The following NKAIN3 variants were observed in gnomAD, a reference collection of about 807,000 sequenced individuals.
NKAIN3 encodes the protein sodium/potassium transporting ATPase interacting 3.
Under a neutral mutation model 30.2 loss-of-function variants are expected in NKAIN3, and 25 were observed. The ratio of observed to expected loss-of-function variants is 0.83; its 90% CI spans 0.60 to 1.16. NKAIN3 has a LOEUF of 1.16. NKAIN3 is among the 50% of genes most tolerant of loss of function. NKAIN3 has a pLI of 0.00. For missense variants in NKAIN3, 225 were observed against 254.1 expected (o/e 0.89, Z 0.78); for synonymous variants, 91 against 89.6 (o/e 1.02, Z -0.09).
chr8:62,349,350 T>C (rs1585710369), intron 1 of NKAIN3, among the ~76,000 whole-genome samples: 1 of 152,056 alleles, frequency 6.6e-6, no homozygotes, highest in Middle Eastern at 3.4e-3. Flanking sequence ...GAGGCGGGAA[T>C]TGATTCAGGA....
chr8:62,833,763 C>G (rs994063182), intron 4 of NKAIN3, among the ~76,000 whole-genome samples: 6 of 151,616 alleles, frequency 4.0e-5, no homozygotes, highest in African/African-American at 1.5e-4. Context: ...AGAGCTGATA[C>G]TAGTTTTAAT....
chr8:62,671,667 C>A (rs1408878112), intron 3 of NKAIN3, among the ~76,000 whole-genome samples: 2 of 151,944 alleles, frequency 1.3e-5, no homozygotes, highest in African/African-American at 4.8e-5. Flanking sequence ...TGTGTGTGTG[C>A]ACGTGTGTGT....
intron 1 of NKAIN3, among the ~76,000 whole-genome samples, chr8:62,505,116 C>T (rs888888815): frequency 1.3e-5 from 2 of 152,040 alleles, no homozygotes; most frequent in Non-Finnish European, 2.9e-5. Context: ...AAGGAAGAAC[C>T]AAGAAATGTA....
At chr8:62,993,052 GT>G (rs556689658) in intron 5 of NKAIN3, among the ~76,000 whole-genome samples, 1 of 145,142 alleles carries the variant, frequency 6.9e-6, no homozygotes, top group East Asian at 2.3e-4. Flanking sequence ...GTTTTGTTTT[GT>G]TTTTTTGCCT....
At chr8:62,944,352 GTTC>G (rs925670468) in intron 5 of NKAIN3, among the ~76,000 whole-genome samples, 2 of 151,678 alleles carry the variant, frequency 1.3e-5, no homozygotes, top group Non-Finnish European at 2.9e-5. Context: ...CTTCAACTTG[GTTC>G]TTCTTCAAGA....
At chr8:62,347,704 T>TA (rs771205683) in intron 1 of NKAIN3, among the ~76,000 whole-genome samples, 1 of 152,204 alleles carries the variant, frequency 6.6e-6, no homozygotes, top group South Asian at 2.1e-4. Flanking sequence ...GAAAAAATGT[T>TA]AAAAAATTTA....
rs946570724 is a variant in NKAIN3, at chr8:62,966,283, A to G, written c.*876A>G. On this transcript the variant is annotated 3_prime_UTR_variant, in exon 7 of 7. Coordinates refer to ENST00000623646, the MANE Select transcript of NKAIN3 (RefSeq NM_001304533.3). Reference sequence around the variant, plus strand: ...GCCTGAAAATGCTGTAGCATTCTCTATAAATACTTCTAAAGGAGACATTCA... The same window carrying G: ...GCCTGAAAATGCTGTAGCATTCTCTGTAAATACTTCTAAAGGAGACATTCA... 1.0e-5 allele frequency: 10 copies of G among 984,964 alleles called. No homozygotes were observed. The highest frequency in any genetic ancestry group is 1.7e-5 in the African/African-American group (1 of 57,210). The allele number at this position is 984,964 out of a possible 1,614,324, so 61.0% of individuals were successfully genotyped here. A position where few individuals can be genotyped will look rare whatever the true frequency, so the allele number is the denominator to read the frequency against.
At chr8:62,642,338 G>T (rs148407820) in intron 3 of NKAIN3, among the ~76,000 whole-genome samples, 4 of 151,974 alleles carry the variant, frequency 2.6e-5, no homozygotes, top group African/African-American at 9.7e-5. Flanking sequence ...ATACTAATGG[G>T]CACAGTCCAT....
chr8:62,791,398 G>C (rs7815370), intron 4 of NKAIN3, among the ~76,000 whole-genome samples: 26,532 of 152,060 alleles, frequency 0.17, 2,516 homozygotes, highest in East Asian at 0.29. Flanking sequence ...ACTGAATTGA[G>C]AACCAGTGAA....
chr8:62,400,167 T>TC (rs939427117), intron 1 of NKAIN3, among the ~76,000 whole-genome samples: 3 of 146,482 alleles, frequency 2.0e-5, no homozygotes, highest in South Asian at 2.2e-4. Flanking sequence ...TATTTTCTTT[T>TC]TTTTTTTTTT....
At chr8:62,344,782 A>C (rs141682750) in intron 1 of NKAIN3, 3 of 377,160 alleles carry the variant, frequency 8.0e-6, no homozygotes, top group African/African-American at 4.2e-5. Context: ...AAAACTAAGA[A>C]ATTTAGAGTC....
chr8:62,785,597 TC>T (rs1260861249), intron 4 of NKAIN3, among the ~76,000 whole-genome samples: 1 of 152,150 alleles, frequency 6.6e-6, no homozygotes, highest in Admixed American at 6.6e-5. Context: ...TGTGAATATA[TC>T]ATAATAAAAC....
intron 1 of NKAIN3, among the ~76,000 whole-genome samples, chr8:62,295,341 CA>C (rs1356923606): frequency 6.6e-6 from 1 of 152,118 alleles, no homozygotes; most frequent in Non-Finnish European, 1.5e-5. Context: ...TAGTGTCCAG[CA>C]AAAATGCCTC....
intron 3 of NKAIN3, among the ~76,000 whole-genome samples, chr8:62,678,046 C>T (rs1365886107): frequency 1.3e-5 from 2 of 152,118 alleles, no homozygotes; most frequent in Admixed American, 1.3e-4. Flanking sequence ...AAGTGTCTAC[C>T]CTAGACTAGG....
intron 3 of NKAIN3, among the ~76,000 whole-genome samples, chr8:62,703,852 G>C (rs1264516363): frequency 2.0e-5 from 3 of 152,110 alleles, no homozygotes; most frequent in Non-Finnish European, 4.4e-5. Context: ...TTAGCACCCA[G>C]TATCACTGGT....
At chr8:62,507,013 A>G (rs890902438) in intron 1 of NKAIN3, among the ~76,000 whole-genome samples, 1 of 152,226 alleles carries the variant, frequency 6.6e-6, no homozygotes, top group Non-Finnish European at 1.5e-5. Flanking sequence ...AAGCTCTTGC[A>G]TAAATGACTG....
chr8:62,753,419 T>C (rs542214847), intron 4 of NKAIN3, among the ~76,000 whole-genome samples: 1 of 145,896 alleles, frequency 6.9e-6, no homozygotes, highest in Admixed American at 6.9e-5. Context: ...TTAATATTTG[T>C]ATCACATGTG....
intron 1 of NKAIN3, among the ~76,000 whole-genome samples, chr8:62,430,902 A>G (rs1177216690): frequency 6.6e-6 from 1 of 151,908 alleles, no homozygotes; most frequent in Non-Finnish European, 1.5e-5. Context: ...TAGATGTTCA[A>G]TCATTAGTAA....
intron 1 of NKAIN3, among the ~76,000 whole-genome samples, chr8:62,412,909 C>CAAAAAAA (rs71501599): frequency 6.1e-5 from 6 of 97,922 alleles, no homozygotes; most frequent in African/African-American, 1.3e-4. Flanking sequence ...GAGACTCCGT[C>CAAAAAAA]AAAAAAAAAA....
Sources: gnomAD v4.1 joint callset for allele counts (sites outside exome capture counted in the v4.1 genomes callset) on GRCh38, gnomAD v4.1.1 for gene constraint, MANE v1.5 for transcripts, NCBI Gene and HGNC (gene_info 2026-07-23, HGNC 2026-07-21) for gene names.